AFF1: variants seen among roughly 807,000 people sequenced by gnomAD.
AFF1 encodes the protein AF4/FMR2 family member 1.
A neutral mutation model predicts 121.7 loss-of-function variants in AFF1; 48 were observed. The observed-to-expected ratio is 0.39, with a 90% confidence interval of 0.31 to 0.50. The LOEUF is 0.50. Ranked by LOEUF, AFF1 falls within the 20% of genes least tolerant of loss-of-function variation. AFF1 has a pLI of 0.76. For synonymous variants in AFF1, 613 were observed against 563.0 expected (o/e 1.09, Z -1.26); for missense variants, 1,523 against 1,511.7 (o/e 1.01, Z -0.12).
chr4:87,097,621 A>T (rs949085282), intron 8 of AFF1, among the ~76,000 whole-genome samples: 1 of 152,238 alleles, frequency 6.6e-6, no homozygotes, highest in Non-Finnish European at 1.5e-5. Context: ...TACAGAAGGT[A>T]GAAGTAGGAC....
At chr4:86,980,397 GTGGT>G (rs1723642424) in intron 2 of AFF1, among the ~76,000 whole-genome samples, 2 of 152,316 alleles carry the variant, frequency 1.3e-5, no homozygotes, top group South Asian at 4.2e-4. Flanking sequence ...GGAGTCTAAG[GTGGT>G]AGTATAGTTT....
intron 2 of AFF1, among the ~76,000 whole-genome samples, chr4:86,951,282 G>GC (rs899186618): frequency 3.3e-4 from 50 of 150,378 alleles, no homozygotes; most frequent in African/African-American, 3.4e-4. Context: ...TTGATTCCCC[G>GC]CCCCCCAGCC....
At chr4:87,116,134 CAT>C (rs773256740) in intron 12 of AFF1, among the ~76,000 whole-genome samples, 27 of 152,178 alleles carry the variant, frequency 1.8e-4, no homozygotes, top group Middle Eastern at 3.2e-3. Context: ...CAGTTACTAA[CAT>C]GTGGTTAGTG....
chr4:87,125,230 T>C, intron 13 of AFF1, 87 bp downstream of exon 13: 2 of 900,616 alleles, frequency 2.2e-6, no homozygotes, highest in African/African-American at 1.7e-5. Context: ...TCTTCTGCAC[T>C]AGAATCAGTG....
At chr4:87,009,522 C>T (rs1387802277) in intron 2 of AFF1, among the ~76,000 whole-genome samples, 3 of 152,196 alleles carry the variant, frequency 2.0e-5, no homozygotes, top group Non-Finnish European at 2.9e-5. Context: ...CCCCACCTTC[C>T]GACATGCCCT....
chr4:86,989,110 T>C (rs945936888), intron 2 of AFF1, among the ~76,000 whole-genome samples: 3 of 152,008 alleles, frequency 2.0e-5, no homozygotes, highest in Non-Finnish European at 4.4e-5. Context: ...GCAATACCAT[T>C]CAGGACATAG....
chr4:86,991,486 C>A (rs1478177316), intron 2 of AFF1, among the ~76,000 whole-genome samples: 4 of 152,060 alleles, frequency 2.6e-5, no homozygotes, highest in African/African-American at 7.2e-5. Context: ...CATATATAGC[C>A]TTCTGCAACT....
intron 4 of AFF1, among the ~76,000 whole-genome samples, chr4:87,071,265 T>A (rs1354125917): frequency 1.6e-4 from 25 of 152,014 alleles, no homozygotes; most frequent in Admixed American, 1.6e-3. Flanking sequence ...TGGTAAATTA[T>A]TTATTAAGGA....
chr4:87,076,143 C>T (rs949162839), intron 4 of AFF1, among the ~76,000 whole-genome samples: 3 of 152,154 alleles, frequency 2.0e-5, no homozygotes, highest in East Asian at 1.9e-4. Context: ...ATGCACTACC[C>T]CCTTCTTCTA....
At chr4:87,070,096 C>T (rs545832906) in intron 4 of AFF1, among the ~76,000 whole-genome samples, 6 of 152,290 alleles carry the variant, frequency 3.9e-5, no homozygotes, top group Admixed American at 2.6e-4. Flanking sequence ...CCCTGCCTCC[C>T]GGGTTCAAGT....
At chr4:87,026,567 A>G (rs373613785) in intron 2 of AFF1, among the ~76,000 whole-genome samples, 2 of 152,126 alleles carry the variant, frequency 1.3e-5, no homozygotes, top group African/African-American at 4.8e-5. Context: ...GTTGCTCTGT[A>G]GTAGGAAGTG....
chr4:87,115,127 C>T lies in AFF1; in HGVS notation c.2294C>T (p.Pro765Leu), dbSNP rs751954189. ...TCACCGCTCAGGGACACTCCTCCCCCACAAAGCTTGATGGTGAAGATCACC... is the reference window on the plus strand; with the variant it reads ...TCACCGCTCAGGGACACTCCTCCCCTACAAAGCTTGATGGTGAAGATCACC... ...LLSPLRDTPP[P>L]QSLMVKITLD... The change falls in exon 12 of 21, where the codon CCA becomes CTA. Residue 765 changes from proline to leucine, a missense_variant. Pro to Leu is a moderately conservative substitution (Grantham distance 98, BLOSUM62 -3). Around this residue, in one of 5 missense-constraint regions of AFF1, gnomAD observed 905 missense variants for 842.5 expected, o/e 1.07. Coordinates refer to ENST00000395146, the MANE Select transcript of AFF1 (RefSeq NM_001166693.3). 5.6e-6 allele frequency: 9 copies of T among 1,614,164 alleles called. No individual in the cohort carries two copies. Among genetic ancestry groups the T allele is most frequent in the Admixed American group, 3.3e-5 (2 of 60,026 alleles).
At chr4:87,014,392 G>A (rs985214781) in intron 2 of AFF1, among the ~76,000 whole-genome samples, 2 of 152,188 alleles carry the variant, frequency 1.3e-5, no homozygotes, top group Non-Finnish European at 2.9e-5. Context: ...TTGTGAAACC[G>A]AAATGAAAGT....
chr4:87,070,655 CAA>C (rs1721939619), intron 4 of AFF1, among the ~76,000 whole-genome samples: 1 of 152,204 alleles, frequency 6.6e-6, no homozygotes, highest in African/African-American at 2.4e-5. Flanking sequence ...CAATTTAAGT[CAA>C]ATTTAAAAGA....
chr4:87,085,821 C>G (rs1171235628), intron 5 of AFF1, among the ~76,000 whole-genome samples: 1 of 150,718 alleles, frequency 6.6e-6, no homozygotes, highest in Non-Finnish European at 1.5e-5. Flanking sequence ...CCACTGCAAT[C>G]TCCACCTCCT....
At chr4:87,087,802 A>G (rs997484673) in intron 5 of AFF1, among the ~76,000 whole-genome samples, 5 of 152,216 alleles carry the variant, frequency 3.3e-5, no homozygotes, top group African/African-American at 1.2e-4. Flanking sequence ...TACCATTGAG[A>G]TTCCAAATAA....
intron 1 of AFF1, among the ~76,000 whole-genome samples, chr4:86,947,056 G>GGC (rs1370274768): frequency 2.6e-5 from 4 of 152,180 alleles, no homozygotes; most frequent in African/African-American, 9.7e-5. Flanking sequence ...GAGCAGCAAA[G>GGC]GCAGGGGTAG....
intron 2 of AFF1, among the ~76,000 whole-genome samples, chr4:87,011,074 GTC>G (rs1281096245): frequency 1.1e-5 from 1 of 88,386 alleles, no homozygotes; most frequent in African/African-American, 4.2e-5. Context: ...GTGAGACTCC[GTC>G]TCAAAAAAAA....
chr4:86,980,179 G>A (rs547916584), intron 2 of AFF1, among the ~76,000 whole-genome samples: 1 of 152,268 alleles, frequency 6.6e-6, no homozygotes, highest in South Asian at 2.1e-4. Flanking sequence ...CTAAAGTGCT[G>A]GGATTACAGG....
Sources: gnomAD v4.1 joint callset for allele counts (sites outside exome capture counted in the v4.1 genomes callset) on GRCh38, gnomAD v4.1.1 for gene constraint, gnomAD v4.1.1 regional missense constraint, MANE v1.5 for transcripts, NCBI Gene and HGNC (gene_info 2026-07-23, HGNC 2026-07-21) for gene names.